C10orf90: variants seen among roughly 807,000 people sequenced by gnomAD.
C10orf90 encodes chromosome 10 open reading frame 90.
Under a neutral mutation model 62.5 loss-of-function variants are expected in C10orf90, and 56 were observed. The ratio of observed to expected loss-of-function variants is 0.90; its 90% CI spans 0.72 to 1.12. The LOEUF (loss-of-function observed/expected upper bound fraction) is 1.12. Ranked by LOEUF, C10orf90 falls within the 50% of genes most tolerant of loss-of-function variation. C10orf90 has a pLI of 0.00. For missense variants in C10orf90, 970 were observed against 880.4 expected (o/e 1.10, Z -1.29); for synonymous variants, 386 against 340.4 (o/e 1.13, Z -1.47).
chr10:126,515,258 C>T (rs992299877), intron 2 of C10orf90, among the ~76,000 whole-genome samples: 4 of 152,112 alleles, frequency 2.6e-5, no homozygotes, highest in African/African-American at 4.8e-5. Context: ...GTAGTGTAGC[C>T]TAAGTGTGTA....
chr10:126,478,162 A>T (rs1860992902), intron 4 of C10orf90, among the ~76,000 whole-genome samples: 1 of 152,214 alleles, frequency 6.6e-6, no homozygotes, highest in Admixed American at 6.5e-5. Context: ...ATCATTTGAG[A>T]AAGACAGAAG....
intron 2 of C10orf90, among the ~76,000 whole-genome samples, chr10:126,613,421 T>TATAGAGAAAGACAAGGTC (rs1845479221): frequency 6.6e-6 from 1 of 151,998 alleles, no homozygotes; most frequent in South Asian, 2.1e-4. Context: ...GTTTCTTTCT[T>TATAGAGAAAGACAAGGTC]TTTCTGTAGA....
intron 3 of C10orf90, among the ~76,000 whole-genome samples, chr10:126,506,919 A>AGTGTGTGTGTGT (rs61651582): frequency 0.013 from 1,975 of 149,404 alleles, 36 homozygotes; most frequent in African/African-American, 0.046. Flanking sequence ...CAGGAGGGCC[A>AGTGTGTGTGTGT]GTGTGTGTGT....
rs140993470 is a variant in C10orf90, at chr10:126,642,616, TG to T, written c.313+3948del. On this transcript the variant is annotated intron_variant, in intron 2 of 9. Transcript: ENST00000488181. ...CCCACCCCACACATGTGGCTCCTCC[TG>T]GTTTTGCAGCTCCATCCTCTTCCCA... Among the ~76,000 whole-genome samples the T allele has an allele frequency of 4.1e-3, 627 of 152,286 alleles. 6 individuals are homozygous for T. The highest frequency in any genetic ancestry group is 0.013 in the African/African-American group (561 of 41,558).
chr10:126,584,854 G>T (rs1244370755), intron 2 of C10orf90, among the ~76,000 whole-genome samples: 1 of 152,130 alleles, frequency 6.6e-6, no homozygotes, highest in Non-Finnish European at 1.5e-5. Context: ...GTGTGTGTGT[G>T]TGTGTTGGTA....
intron 2 of C10orf90, among the ~76,000 whole-genome samples, chr10:126,538,704 G>T (rs1293429246): frequency 1.3e-5 from 2 of 152,128 alleles, no homozygotes; most frequent in Non-Finnish European, 2.9e-5. Context: ...TGAGTAACTT[G>T]TTCGACATCC....
intron 2 of C10orf90, among the ~76,000 whole-genome samples, chr10:126,576,941 A>G (rs1404075267): frequency 6.6e-6 from 1 of 151,596 alleles, no homozygotes; most frequent in Non-Finnish European, 1.5e-5. Context: ...TGGAGGCTAA[A>G]AAAAAAGTTG....
chr10:126,661,342 C>T (rs1237311212), intron 1 of C10orf90, among the ~76,000 whole-genome samples: 1 of 152,126 alleles, frequency 6.6e-6, no homozygotes, highest in Non-Finnish European at 1.5e-5. Flanking sequence ...TTTTAATGCC[C>T]CCAGCAACGC....
At chr10:126,455,840 G>A in intron 7 of C10orf90, among the ~76,000 whole-genome samples, 1 of 152,176 alleles carries the variant, frequency 6.6e-6, no homozygotes, top group East Asian at 1.9e-4. Flanking sequence ...TGGTCTCAAA[G>A]GTGCTCAGAA....
intron 2 of C10orf90, among the ~76,000 whole-genome samples, chr10:126,565,364 T>A (rs1433077525): frequency 3.9e-5 from 3 of 77,554 alleles, no homozygotes; most frequent in Admixed American, 2.2e-4. Context: ...ATAATATATA[T>A]TATTTTATAT....
intron 2 of C10orf90, among the ~76,000 whole-genome samples, chr10:126,593,131 T>C (rs548427381): frequency 6.6e-6 from 1 of 152,318 alleles, no homozygotes; most frequent in East Asian, 1.9e-4. Flanking sequence ...AATGTGGTGA[T>C]TTCTCAAAGA....
chr10:126,632,675 C>A (rs560411572), intron 2 of C10orf90, among the ~76,000 whole-genome samples: 1 of 152,200 alleles, frequency 6.6e-6, no homozygotes, highest in East Asian at 1.9e-4. Flanking sequence ...GGACCCTGCT[C>A]TTTTCAATGA....
intron 2 of C10orf90, among the ~76,000 whole-genome samples, chr10:126,514,787 C>G (rs1353465356): frequency 1.3e-5 from 2 of 152,018 alleles, no homozygotes; most frequent in Non-Finnish European, 2.9e-5. Context: ...GCCCCCCTCT[C>G]CACCCCCCAT....
At chr10:126,573,306 G>C (rs190866424) in intron 2 of C10orf90, among the ~76,000 whole-genome samples, 1 of 152,196 alleles carries the variant, frequency 6.6e-6, no homozygotes, top group Non-Finnish European at 1.5e-5. Context: ...TACAATGTCC[G>C]TAATCTATAG....
intron 2 of C10orf90, among the ~76,000 whole-genome samples, chr10:126,629,583 T>C (rs1356926987): frequency 6.6e-6 from 1 of 152,212 alleles, no homozygotes; most frequent in Non-Finnish European, 1.5e-5. Flanking sequence ...ATGCAATGAC[T>C]TGAAAGGGGG....
At chr10:126,549,799 G>A (rs1864586103) in intron 2 of C10orf90, among the ~76,000 whole-genome samples, 1 of 151,258 alleles carries the variant, frequency 6.6e-6, no homozygotes, top group Admixed American at 6.6e-5. Context: ...TGGATGAATG[G>A]CTAAACAAAC....
chr10:126,577,160 C>T (rs1257448916), intron 2 of C10orf90, among the ~76,000 whole-genome samples: 1 of 151,698 alleles, frequency 6.6e-6, no homozygotes, highest in Non-Finnish European at 1.5e-5. Context: ...ACTCCCAGTA[C>T]AAAGAAATGA....
chr10:126,515,218 G>A (rs543132987), intron 2 of C10orf90, among the ~76,000 whole-genome samples: 3 of 152,192 alleles, frequency 2.0e-5, no homozygotes, highest in Admixed American at 6.5e-5. Context: ...CCATCAGAAC[G>A]TTGTAGTATA....
At chr10:126,499,286 G>A (rs1225923288) in intron 4 of C10orf90, among the ~76,000 whole-genome samples, 1 of 152,142 alleles carries the variant, frequency 6.6e-6, no homozygotes, top group African/African-American at 2.4e-5. Flanking sequence ...GGTGGTATCT[G>A]AACACTGTTG....
Sources: allele counts gnomAD v4.1 joint callset (sites outside exome capture counted in the v4.1 genomes callset), GRCh38; gene constraint gnomAD v4.1.1; transcripts MANE v1.5; gene names NCBI Gene and HGNC (gene_info 2026-07-23, HGNC 2026-07-21).